Variants in PUDP observed in about 807,000 individuals in gnomAD.
PUDP encodes the protein pseudouridine 5'-phosphatase.
In PUDP, 8 loss-of-function variants were observed where a neutral mutation model predicts 9.4. The observed-to-expected ratio is 0.85, with a 90% confidence interval of 0.50 to 1.53. The LOEUF is 1.53. Ranked by LOEUF, PUDP falls within the 40% of genes most tolerant of loss-of-function variation. The pLI, the probability that PUDP is intolerant of heterozygous loss-of-function variation, is 0.00. For missense variants in PUDP, 188 were observed against 189.7 expected (o/e 0.99, Z 0.05); for synonymous variants, 99 against 80.7 (o/e 1.23, Z -1.22).
chrX:6,957,771 A>C (rs754047919), intron 3 of PUDP, among the ~76,000 whole-genome samples: 1 of 112,248 alleles, frequency 8.9e-6, no homozygotes, highest in Non-Finnish European at 1.9e-5. Flanking sequence ...GGCAATTCTG[A>C]TGAAGGCTCA....
Position 6,908,232 on chromosome X carries a change from C to T in PUDP, c.*247+68901G>A, listed in dbSNP as rs747111232. On this transcript the variant is annotated intron_variant and NMD_transcript_variant, in intron 3 of 3. Transcript: ENST00000655425. ...TCCAGGAGACAGGGATTGATAAAAC[C>T]CGAGCACTCCTACATATCACGTACT... 1.3e-3 allele frequency among the ~76,000 whole-genome samples: 142 copies of T among 112,404 alleles called. 1 individual carries two copies. Among genetic ancestry groups the T allele is most frequent in the Middle Eastern group, 4.6e-3 (1 of 218 alleles).
At chrX:6,802,888 A>T (rs112618680) in intron 3 of PUDP, among the ~76,000 whole-genome samples, 2,529 of 12,391 alleles carry the variant, frequency 0.2, 452 homozygotes, top group Middle Eastern at 0.34. Flanking sequence ...TTTTTGTCTC[A>T]AAAATAACAT....
chrX:6,859,565 C>T (rs778031358), intron 3 of PUDP, among the ~76,000 whole-genome samples: 1 of 111,814 alleles, frequency 8.9e-6, no homozygotes, highest in Non-Finnish European at 1.9e-5. Context: ...TTCCTTACTG[C>T]TCAGGGGTCA....
chrX:6,720,248 G>GTATATATGTGTGTATATATGTA (rs1321347134), intron 1 of PUDP, among the ~76,000 whole-genome samples: 3 of 36,135 alleles, frequency 8.3e-5, no homozygotes, highest in Admixed American at 3.9e-4. Flanking sequence ...ATATGTATGT[G>GTATATATGTGTGTATATATGTA]TGTGTGTGTG....
intron 3 of PUDP, among the ~76,000 whole-genome samples, chrX:6,776,102 G>C (rs980456249): frequency 8.9e-6 from 1 of 111,854 alleles, no homozygotes; most frequent in Admixed American, 9.5e-5. Flanking sequence ...TCCCCATTGA[G>C]TGCGATCACC....
intron 3 of PUDP, among the ~76,000 whole-genome samples, chrX:6,944,749 GC>G (rs1161822360): frequency 9.0e-6 from 1 of 111,083 alleles, no homozygotes; most frequent in Admixed American, 9.6e-5. Flanking sequence ...GGATCCACTG[GC>G]ATGTAGACCT....
chrX:7,118,308 A>G (rs1193448631), intron 1 of PUDP, among the ~76,000 whole-genome samples: 2 of 112,660 alleles, frequency 1.8e-5, no homozygotes, highest in Non-Finnish European at 3.7e-5. Context: ...AGAGGTAAGT[A>G]TGTCACAGGA....
intron 3 of PUDP, among the ~76,000 whole-genome samples, chrX:6,849,361 A>G (rs1348836107): frequency 2.7e-5 from 3 of 111,860 alleles, no homozygotes; most frequent in Non-Finnish European, 5.6e-5. Flanking sequence ...AGTTTTTTCA[A>G]TCCAGCTTGG....
chrX:7,017,721 A>G (rs1275903733), intron 1 of PUDP, among the ~76,000 whole-genome samples: 1 of 111,874 alleles, frequency 8.9e-6, no homozygotes, highest in Non-Finnish European at 1.9e-5. Flanking sequence ...AAACCCACCC[A>G]ATGTTTTCCC....
chrX:7,033,866 T>C (rs1193066759), intron 1 of PUDP, among the ~76,000 whole-genome samples: 1 of 111,546 alleles, frequency 9.0e-6, no homozygotes, highest in Non-Finnish European at 1.9e-5. Flanking sequence ...GACCAGTAGA[T>C]TGATAGAAGA....
chrX:6,980,191 T>TTCTTC (rs1260220260), intron 1 of PUDP, among the ~76,000 whole-genome samples: 50 of 87,141 alleles, frequency 5.7e-4, no homozygotes, highest in African/African-American at 9.3e-4. Flanking sequence ...TCTTCCTTCC[T>TTCTTC]TCTTCTCTTC....
At chrX:6,759,900 G>GAAGTCTGCAA (rs112191184) in intron 3 of PUDP, among the ~76,000 whole-genome samples, 20,221 of 109,156 alleles carry the variant, frequency 0.19, 1,886 homozygotes, top group African/African-American at 0.36. Context: ...GTGCTCGCTA[G>GAAGTCTGCAA]CAGTCTGCAT....
At chrX:6,839,580 G>T (rs771104995) in intron 3 of PUDP, among the ~76,000 whole-genome samples, 7 of 111,601 alleles carry the variant, frequency 6.3e-5, no homozygotes, top group Non-Finnish European at 1.9e-5. Context: ...TCACATTAGG[G>T]TTAAAATTAT....
intron 1 of PUDP, among the ~76,000 whole-genome samples, chrX:7,140,328 T>C (rs779294302): frequency 8.1e-5 from 9 of 111,589 alleles, no homozygotes; most frequent in Non-Finnish European, 5.6e-5. Context: ...AGGAGCATTA[T>C]TTTCAAGCGT....
chrX:6,744,607 T>G (rs1425605468), intron 3 of PUDP, among the ~76,000 whole-genome samples: 1 of 111,619 alleles, frequency 9.0e-6, no homozygotes, highest in Non-Finnish European at 1.9e-5. Context: ...AATATACTAT[T>G]AAAGCTATTG....
intron 1 of PUDP, among the ~76,000 whole-genome samples, chrX:7,024,870 C>T (rs1164180903): frequency 1.9e-5 from 2 of 106,330 alleles, no homozygotes; most frequent in East Asian, 5.9e-4. Flanking sequence ...GGATTACAGG[C>T]GTGAGCCACT....
intron 3 of PUDP, among the ~76,000 whole-genome samples, chrX:6,953,852 C>CT (rs746277473): frequency 6.3e-5 from 7 of 111,764 alleles, no homozygotes; most frequent in African/African-American, 2.0e-4. Context: ...CCACCCAGAT[C>CT]TCATCTTGAA....
At chrX:7,079,821 T>C (rs774972816) in intron 2 of PUDP, among the ~76,000 whole-genome samples, 12 of 112,183 alleles carry the variant, frequency 1.1e-4, no homozygotes, top group African/African-American at 3.9e-4. Context: ...ACTGATGGCA[T>C]TGAGTGATAT....
At chrX:6,783,528 C>A (rs745934257) in intron 3 of PUDP, among the ~76,000 whole-genome samples, 1 of 111,777 alleles carries the variant, frequency 8.9e-6, no homozygotes, top group East Asian at 2.8e-4. Flanking sequence ...TTAGTGAACA[C>A]TGGATTTCGT....
Sources: gnomAD v4.1 joint callset for allele counts (sites outside exome capture counted in the v4.1 genomes callset) on GRCh38, gnomAD v4.1.1 for gene constraint, MANE v1.5 for transcripts, NCBI Gene and HGNC (gene_info 2026-07-23, HGNC 2026-07-21) for gene names.